DMD: variants seen among roughly 807,000 people sequenced by gnomAD.
DMD encodes dystrophin.
Under a neutral mutation model 330.1 loss-of-function variants are expected in DMD, and 63 were observed. The ratio of observed to expected loss-of-function variants is 0.19; its 90% confidence interval spans 0.16 to 0.24. DMD has a LOEUF of 0.24. Among genes scored for constraint, DMD ranks in the 10% least tolerant of loss-of-function variants. The pLI, the probability that DMD is intolerant of heterozygous loss-of-function variation, is 1.00. For synonymous variants in DMD, 1,223 were observed against 959.8 expected, an observed-to-expected ratio of 1.27 and a Z score of -5.07; for missense variants, 3,344 against 2,684.1, an observed-to-expected ratio of 1.25 and a Z score of -5.43.
At chrX:32,195,957 ACTAT>A (rs1569550190) in intron 44 of DMD, among the ~76,000 whole-genome samples, 1 of 111,948 alleles carries the variant, frequency 8.9e-6, no homozygotes, top group East Asian at 2.8e-4. Context: ...GTCATTTGTT[ACTAT>A]CTATCTTCCC....
intron 1 of DMD, among the ~76,000 whole-genome samples, chrX:33,034,373 C>G (rs1234873731): frequency 9.0e-6 from 1 of 111,343 alleles, no homozygotes; most frequent in Non-Finnish European, 1.9e-5. Context: ...GTAGTTTTAG[C>G]TTTGAACCTG....
At chrX:32,616,565 T>A (rs941883468) in intron 11 of DMD, among the ~76,000 whole-genome samples, 3 of 110,324 alleles carry the variant, frequency 2.7e-5, no homozygotes, top group African/African-American at 9.9e-5. Flanking sequence ...GTGTTTTTTG[T>A]TTAGAGCGAG....
intron 52 of DMD, among the ~76,000 whole-genome samples, chrX:31,694,272 A>G (rs374631342): frequency 1.7e-4 from 19 of 110,847 alleles, no homozygotes; most frequent in East Asian, 1.4e-3. Context: ...TTAAAGCCTT[A>G]AATGTAATAC....
At chrX:31,617,392 G>A (rs1316361060) in intron 55 of DMD, among the ~76,000 whole-genome samples, 1 of 110,269 alleles carries the variant, frequency 9.1e-6, no homozygotes, top group African/African-American at 3.3e-5. Context: ...AAATTAGCCA[G>A]GCATGGTGGA....
At chrX:33,208,044 C>T in intron 1 of DMD, among the ~76,000 whole-genome samples, 1 of 111,289 alleles carries the variant, frequency 9.0e-6, no homozygotes, top group Non-Finnish European at 1.9e-5. Context: ...CCTGAATGTA[C>T]TGTATAAAAA....
intron 1 of DMD, among the ~76,000 whole-genome samples, chrX:33,179,906 A>G (rs1401385877): frequency 1.9e-5 from 2 of 104,428 alleles, no homozygotes; most frequent in Non-Finnish European, 3.9e-5. Context: ...CAATGGCACG[A>G]TCTCACCTCA....
intron 17 of DMD, among the ~76,000 whole-genome samples, chrX:32,520,042 A>C (rs547475820): frequency 9.0e-6 from 1 of 111,700 alleles, no homozygotes; most frequent in South Asian, 3.8e-4. Context: ...GAGGCTATCC[A>C]ACTTGAAATT....
chrX:32,778,796 C>A (rs1407153258), intron 7 of DMD, among the ~76,000 whole-genome samples: 1 of 111,347 alleles, frequency 9.0e-6, no homozygotes, highest in East Asian at 2.8e-4. Flanking sequence ...ACATAGTGTG[C>A]ACTCAGGTAA....
intron 7 of DMD, among the ~76,000 whole-genome samples, chrX:32,773,802 T>C (rs1277980515): frequency 9.0e-6 from 1 of 111,641 alleles, no homozygotes; most frequent in Non-Finnish European, 1.9e-5. Flanking sequence ...CTATATTTTC[T>C]GAACATGTTT....
intron 55 of DMD, among the ~76,000 whole-genome samples, chrX:31,554,973 T>C (rs892110894): frequency 2.7e-5 from 3 of 111,750 alleles, no homozygotes; most frequent in Non-Finnish European, 3.8e-5. Context: ...ACAAAGGTGA[T>C]AGAGGAGAGA....
chrX:33,010,234 A>ATGTACATATGTGTGTATATG (rs1269182719), intron 2 of DMD, among the ~76,000 whole-genome samples: 38 of 96,789 alleles, frequency 3.9e-4, no homozygotes, highest in South Asian at 1.5e-3. Context: ...GTGTGTATAT[A>ATGTACATATGTGTGTATATG]TGTACATATG....
intron 30 of DMD, among the ~76,000 whole-genome samples, chrX:32,396,631 C>T (rs957199942): frequency 1.8e-5 from 2 of 110,478 alleles, no homozygotes; most frequent in African/African-American, 3.3e-5. Context: ...TGCCAGAGTG[C>T]ATCATACAAG....
At chrX:33,263,444 T>A (rs1288962084) in intron 1 of DMD, among the ~76,000 whole-genome samples, 100 of 107,049 alleles carry the variant, frequency 9.3e-4, no homozygotes, top group Middle Eastern at 5.0e-3. Flanking sequence ...AAAAAATATA[T>A]ATATATATAT....
intron 55 of DMD, among the ~76,000 whole-genome samples, chrX:31,561,403 T>C (rs962628855): frequency 2.7e-5 from 3 of 111,437 alleles, no homozygotes; most frequent in Non-Finnish European, 3.8e-5. Context: ...ATCCTGTTCA[T>C]TGGAGAGGTC....
chrX:32,033,653 G>GAAGAAAGAAAGAAAGAAAGAAAGAAAGA (rs1557081473), intron 44 of DMD, among the ~76,000 whole-genome samples: 12 of 59,052 alleles, frequency 2.0e-4, no homozygotes, highest in African/African-American at 7.7e-4. Flanking sequence ...AAGAAAGAAA[G>GAAGAAAGAAAGAAAGAAAGAAAGAAAGA]AAGAAAGAAA....
At chrX:33,139,816 C>T (rs1017145654) in intron 1 of DMD, among the ~76,000 whole-genome samples, 14 of 100,351 alleles carry the variant, frequency 1.4e-4, no homozygotes, top group African/African-American at 4.7e-4. Context: ...ATTACCTCAT[C>T]TTGCGTATTT....
intron 44 of DMD, among the ~76,000 whole-genome samples, chrX:32,099,665 T>A (rs1289940280): frequency 2.0e-5 from 2 of 99,338 alleles, no homozygotes; most frequent in Non-Finnish European, 4.0e-5. Flanking sequence ...CAGCGCATGT[T>A]CTCACTCTTA....
chrX:32,357,749 A>C (rs892861807), intron 37 of DMD, among the ~76,000 whole-genome samples: 1 of 110,233 alleles, frequency 9.1e-6, no homozygotes, highest in Non-Finnish European at 1.9e-5. Context: ...ATGAATGATT[A>C]GTCTGGCTGT....
intron 55 of DMD, among the ~76,000 whole-genome samples, chrX:31,565,524 G>A (rs779230020): frequency 2.7e-5 from 3 of 111,896 alleles, no homozygotes; most frequent in Admixed American, 9.5e-5. Flanking sequence ...TGGATGTACC[G>A]TAGTTTGTAC....
Sources: allele counts gnomAD v4.1 joint callset (sites outside exome capture counted in the v4.1 genomes callset), GRCh38; gene constraint gnomAD v4.1.1; transcripts MANE v1.5; gene names NCBI Gene and HGNC (gene_info 2026-07-23, HGNC 2026-07-21).